Variants in COL4A3 observed in about 807,000 individuals in gnomAD.
The protein encoded by COL4A3 is collagen type IV alpha 3 chain.
Under a neutral mutation model 217.4 loss-of-function variants are expected in COL4A3, and 135 were observed. The ratio of observed to expected loss-of-function variants is 0.62; its 90% confidence interval spans 0.54 to 0.72. The LOEUF (loss-of-function observed/expected upper bound fraction) is 0.72, where lower values mean the gene tolerates loss of function less well. Among genes scored for constraint, COL4A3 ranks in the 30% least tolerant of loss-of-function variants. The pLI is 0.00. For missense variants in COL4A3, 1,868 were observed against 2,119.9 expected, an observed-to-expected ratio of 0.88 and a Z score of 2.33; for synonymous variants, 690 against 736.3, an observed-to-expected ratio of 0.94 and a Z score of 1.02.
chr2:227,283,521 A>G (rs1395759740), intron 32 of COL4A3, among the ~76,000 whole-genome samples: 1 of 152,242 alleles, frequency 6.6e-6, no homozygotes, highest in African/African-American at 2.4e-5. Flanking sequence ...GAATGCTCCA[A>G]AACTTCCACA....
At chr2:227,251,111 C>A in intron 9 of COL4A3, 29 bp from the exon 10 acceptor site, 4 of 1,547,380 alleles carry the variant, frequency 2.6e-6, no homozygotes, top group Middle Eastern at 1.7e-4. Flanking sequence ...TAAATTTAAA[C>A]TTACTCTTAT....
In COL4A3 at chr2:227,253,736, T is replaced by G. The variant is rs1288899622; in HGVS notation, c.765+98T>G. On this transcript the variant is annotated intron_variant, in intron 13 of 51. Transcript: ENST00000396578. The surrounding 1 kb of genome is among the most constrained non-coding windows in gnomAD (Gnocchi z 4.4). ...CTTTTACAAGCTCTTGTTATCTAAG[T>G]CCAGCTCAGCCCAGCTCCCTCAGCC... The G allele has an allele frequency of 4.6e-6, 5 of 1,083,918 alleles. No individual in the cohort carries two copies. Among genetic ancestry groups the G allele is most frequent in the South Asian group, 1.2e-5 (1 of 80,302 alleles). The allele number at this position is 1,083,918 out of a possible 1,614,324, so 67.1% of individuals were successfully genotyped here. A position where few individuals can be genotyped will look rare whatever the true frequency, so the allele number is the denominator to read the frequency against.
intron 40 of COL4A3, 96 bp from the exon 41 acceptor site, chr2:227,295,173 C>T (rs1190466444): frequency 5.3e-6 from 8 of 1,507,602 alleles, no homozygotes; most frequent in Non-Finnish European, 7.4e-6. Flanking sequence ...AACTGATTAT[C>T]TTTAACATGT....
chr2:227,247,430 G>T, intron 7 of COL4A3, 128 bp from the exon 8 acceptor site: 1 of 845,868 alleles, frequency 1.2e-6, no homozygotes, highest in South Asian at 1.3e-5. Context: ...GGAAGACTTT[G>T]CTTTGTAAGG....
intron 26 of COL4A3, among the ~76,000 whole-genome samples, chr2:227,275,563 A>G (rs900226637): frequency 2.0e-5 from 3 of 152,206 alleles, no homozygotes; most frequent in Non-Finnish European, 4.4e-5. Context: ...GTCCCATCAC[A>G]TACTGTAAAC....
Position 227,253,363 on chromosome 2 carries a change from G to C in COL4A3, c.687+26G>C. 3.1e-6 allele frequency: 5 copies of C among 1,610,288 alleles called. No homozygotes were observed. The highest frequency in any genetic ancestry group is 4.2e-6 in the Non-Finnish European group (5 of 1,176,538). On this transcript the variant is annotated intron_variant, in intron 12 of 51. Transcript: ENST00000396578. The surrounding 1 kb of genome is among the most constrained non-coding windows in gnomAD (Gnocchi z 4.4). ...GTAATTTAAATACTATGTTTTATTA[G>C]CAGGCGAGATATTTTATGTCCCAGA...
At chr2:227,175,562 CAAAGGGAATTCCTGGCCCTG>C (rs2065647723) in intron 1 of COL4A3, among the ~76,000 whole-genome samples, 1 of 152,078 alleles carries the variant, frequency 6.6e-6, no homozygotes. Context: ...ATGCTGATCA[CAAAGGGAATTCCTGGCCCTG>C]AAGGAATATG....
chr2:227,266,741 G>GAT (rs750959960), intron 22 of COL4A3, among the ~76,000 whole-genome samples: 42 of 152,310 alleles, frequency 2.8e-4, no homozygotes, highest in Non-Finnish European at 4.9e-4. Flanking sequence ...TGCAAGGAAA[G>GAT]AAACACTGAA....
intron 1 of COL4A3, among the ~76,000 whole-genome samples, chr2:227,176,107 A>T (rs1167529842): frequency 6.6e-6 from 1 of 152,192 alleles, no homozygotes; most frequent in African/African-American, 2.4e-5. Context: ...AGCTCCTCAG[A>T]TGAAGAGGAG....
chr2:227,267,040 C>A lies in COL4A3; in HGVS notation c.1456C>A (p.Pro486Thr). ...CTQCPYIPGP[P>T]GLPGLPGLHG... is the part of the protein sequence containing the mutation. ...ACAGTGCCCTTATATCCCAGGGCCT[C>A]CCGGTCTCCCAGGATTGCCAGGGTT... Residue 486 changes from proline (P) to threonine (T), a missense_variant, in exon 23 of 52, where the codon CCC becomes ACC. Pro to Thr is a conservative substitution (Grantham distance 38, BLOSUM62 -1). Transcript: ENST00000396578. 1 of 1,614,004 alleles carries A rather than the reference C, an allele frequency of 6.2e-7. No homozygotes were observed. Among genetic ancestry groups the A allele is most frequent in the Non-Finnish European group, 8.5e-7 (1 of 1,179,946 alleles).
rs1207493576 is a variant in COL4A3, at chr2:227,238,022, A to T, written c.142A>T (p.Lys48Ter). 2 of 1,602,396 alleles carry T rather than the reference A, an allele frequency of 1.2e-6. No homozygotes were observed. Among genetic ancestry groups the T allele is most frequent in the Non-Finnish European group, 1.7e-6 (2 of 1,169,418 alleles). ...CTTCTGTGACGGGGCCAAAGGGGAG[A>T]AGGTAAAAACAAACCCTAATACTGC... ...QCFCDGAKGEKGEKGFPGPPG... is the reference protein window; with the variant it reads ...QCFCDGAKGE The change falls in exon 2 of 52, where the codon AAG (lysine) becomes TAG (stop). Residue 48 changes from lysine to a stop codon, truncating the protein, a stop_gained and splice_region_variant. Coordinates refer to ENST00000396578, the MANE Select transcript of COL4A3 (RefSeq NM_000091.5). LOFTEE classifies it high-confidence loss of function.
At chr2:227,294,413 C>T (rs1435594933) in intron 38 of COL4A3, 77 bp from the exon 39 acceptor site, 2 of 977,060 alleles carry the variant, frequency 2.0e-6, no homozygotes, top group Non-Finnish European at 3.3e-6. Flanking sequence ...ACTATAAAAA[C>T]AGACCGTTTC....
intron 1 of COL4A3, among the ~76,000 whole-genome samples, chr2:227,185,084 T>C (rs1001222270): frequency 6.6e-6 from 1 of 151,996 alleles, no homozygotes; most frequent in Non-Finnish European, 1.5e-5. Context: ...GTATTTTTAG[T>C]GGAGACGGGG....
At chr2:227,261,676 G>A (rs149270037) in intron 20 of COL4A3, among the ~76,000 whole-genome samples, 169 of 152,264 alleles carry the variant, frequency 1.1e-3, no homozygotes, top group African/African-American at 3.8e-3. Flanking sequence ...TATTGTCCGG[G>A]ATTTTTACAG....
chr2:227,247,261 T>A (rs2069404473), intron 7 of COL4A3, among the ~76,000 whole-genome samples: 1 of 152,072 alleles, frequency 6.6e-6, no homozygotes, highest in Admixed American at 6.6e-5. Context: ...TTTAGCAACA[T>A]CAATATCATG....
intron 26 of COL4A3, among the ~76,000 whole-genome samples, chr2:227,273,771 A>G (rs1317003777): frequency 6.6e-6 from 1 of 152,222 alleles, no homozygotes. Flanking sequence ...ACTTTAAAAT[A>G]TCTAAGACAA....
chr2:227,263,279 C>T (rs2070703219), intron 20 of COL4A3, among the ~76,000 whole-genome samples: 1 of 152,216 alleles, frequency 6.6e-6, no homozygotes, highest in Non-Finnish European at 1.5e-5. Flanking sequence ...CTCACATCCT[C>T]ACCACTTTAA....
intron 41 of COL4A3, among the ~76,000 whole-genome samples, chr2:227,297,090 G>C (rs13420617): frequency 6.6e-6 from 1 of 152,192 alleles, no homozygotes; most frequent in Admixed American, 6.5e-5. Flanking sequence ...CCTGCCACTA[G>C]TATTCCTATT....
intron 1 of COL4A3, among the ~76,000 whole-genome samples, chr2:227,232,627 T>C (rs1052474605): frequency 6.6e-6 from 1 of 152,160 alleles, no homozygotes; most frequent in African/African-American, 2.4e-5. Flanking sequence ...TGATCAATGA[T>C]TTTGAGCACC....
Sources: gnomAD v4.1 joint callset for allele counts (sites outside exome capture counted in the v4.1 genomes callset) on GRCh38, gnomAD v4.1.1 for gene constraint, Gnocchi (gnomAD v3.1) non-coding constraint, MANE v1.5 for transcripts, NCBI Gene and HGNC (gene_info 2026-07-23, HGNC 2026-07-21) for gene names.